The following DOCK1 variants were observed in gnomAD, a reference collection of about 807,000 sequenced individuals.
The protein encoded by DOCK1 is dedicator of cytokinesis 1.
A neutral mutation model predicts 262.7 loss-of-function variants in DOCK1; 138 were observed. The observed-to-expected ratio is 0.53, with a 90% CI of 0.46 to 0.61. DOCK1 has a LOEUF of 0.61. DOCK1 is among the 20% of genes least tolerant of loss of function. The pLI, the probability that DOCK1 is intolerant of heterozygous loss-of-function variation, is 0.00. For synonymous variants in DOCK1, 866 were observed against 867.4 expected (o/e 1.00, Z 0.03); for missense variants, 1,908 against 2,370.7 (o/e 0.80, Z 4.05).
intron 3 of DOCK1, among the ~76,000 whole-genome samples, chr10:126,980,137 G>T (rs1427447061): frequency 2.6e-5 from 4 of 152,098 alleles, no homozygotes; most frequent in Non-Finnish European, 4.4e-5. Flanking sequence ...GGATAACCAG[G>T]ACCTGAACAC....
At chr10:126,908,179 C>T (rs1290189533) in intron 1 of DOCK1, among the ~76,000 whole-genome samples, 1 of 152,156 alleles carries the variant, frequency 6.6e-6, no homozygotes, top group Non-Finnish European at 1.5e-5. Flanking sequence ...TCCCAGGCTC[C>T]CCACTTGTCT....
chr10:127,296,544 G>A (rs2061510954), intron 29 of DOCK1, among the ~76,000 whole-genome samples: 1 of 152,214 alleles, frequency 6.6e-6, no homozygotes, highest in Non-Finnish European at 1.5e-5. Flanking sequence ...AACCTTGCAA[G>A]ATGCCGTCGA....
chr10:127,190,664 T>TCCCCCCCCCCC lies in DOCK1; in HGVS notation c.2848-57344_2848-57343insCCCCCCCCCCC, dbSNP rs1491352928. The stretch of plus-strand genomic sequence containing the variant: ...TCAAATATTTAATAGAAATCCTATC[T>TCCCCCCCCCCC]TCCCCCCCCCCCCCCCCCCGTTCCT... On this transcript the variant is annotated intron_variant, in intron 27 of 51. Coordinates refer to ENST00000623213, the MANE Select transcript of DOCK1 (RefSeq NM_001290223.2). Among the ~76,000 whole-genome samples, 2 of 15,228 alleles carry TCCCCCCCCCCC rather than the reference T, an allele frequency of 1.3e-4. 1 individual carries two copies. The highest frequency in any genetic ancestry group is 2.3e-4 in the Non-Finnish European group (2 of 8,848). The allele number at this position is 15,228 out of a possible 152,430, so 10.0% of individuals were successfully genotyped here.
chr10:127,206,032 T>C (rs985502624), intron 27 of DOCK1, among the ~76,000 whole-genome samples: 1 of 152,182 alleles, frequency 6.6e-6, no homozygotes, highest in Non-Finnish European at 1.5e-5. Flanking sequence ...AGATAACCAC[T>C]GTTTATCATG....
At chr10:127,073,222 G>T (rs907162440) in intron 23 of DOCK1, among the ~76,000 whole-genome samples, 3 of 152,200 alleles carry the variant, frequency 2.0e-5, no homozygotes, top group African/African-American at 7.2e-5. Flanking sequence ...TAAGAATTCA[G>T]TTCTTCCCAA....
chr10:126,976,150 T>C (rs2038524220), intron 2 of DOCK1, among the ~76,000 whole-genome samples: 1 of 152,190 alleles, frequency 6.6e-6, no homozygotes, highest in South Asian at 2.1e-4. Flanking sequence ...CACTGTGTCA[T>C]AGATGGGCTT....
intron 27 of DOCK1, among the ~76,000 whole-genome samples, chr10:127,143,910 C>A (rs1252815438): frequency 6.6e-6 from 1 of 152,144 alleles, no homozygotes; most frequent in Non-Finnish European, 1.5e-5. Context: ...TGTCCAGAAC[C>A]AGATCTTTCC....
At position 127,270,999 on chromosome 10, in the gene DOCK1, A is replaced by C. The variant is rs11593888; in HGVS notation, c.3044+13570A>C. Among the ~76,000 whole-genome samples, 51 of 133,770 alleles carry C rather than the reference A, an allele frequency of 3.8e-4. No individual in the cohort carries two copies. In the East Asian group the frequency reaches 9.3e-3, roughly 24 times the overall value. 87.8% of individuals were successfully genotyped at this position (133,770 alleles called of 152,430 possible). Reference sequence around the variant, plus strand: ...CTTAACAAAAGTTATATATGTGTGTATGTGTGTGTGTGTGTGTATGTATAT... The same window carrying C: ...CTTAACAAAAGTTATATATGTGTGTCTGTGTGTGTGTGTGTGTATGTATAT... On this transcript the variant is annotated intron_variant, in intron 29 of 51. Coordinates refer to ENST00000623213, the MANE Select transcript of DOCK1 (RefSeq NM_001290223.2).
intron 27 of DOCK1, among the ~76,000 whole-genome samples, chr10:127,221,751 C>A (rs2058445105): frequency 6.6e-6 from 1 of 152,172 alleles, no homozygotes; most frequent in Non-Finnish European, 1.5e-5. Context: ...CTGGTGAGAA[C>A]CAAGTCAGAA....
intron 40 of DOCK1, 93 bp from the exon 41 acceptor site, chr10:127,408,944 C>T: frequency 7.0e-7 from 1 of 1,424,230 alleles, no homozygotes; most frequent in South Asian, 1.4e-5. Flanking sequence ...TTTGTAAGAA[C>T]CCGTAAGGCA....
intron 27 of DOCK1, among the ~76,000 whole-genome samples, chr10:127,234,137 C>G (rs918048719): frequency 1.3e-4 from 20 of 152,222 alleles, no homozygotes; most frequent in African/African-American, 4.6e-4. Context: ...AGAAAACAGG[C>G]GCTTGCTGTC....
At position 127,447,385 on chromosome 10, in the gene DOCK1, G is replaced by A; in HGVS notation, c.5414-9G>A. ...TCGGGCTGATTTTAAATAGATCCCG[G>A]TTTTCCAGGCTTGGAGCTGAACGGC... On this transcript the variant is annotated splice_polypyrimidine_tract_variant and intron_variant, in intron 50 of 51. Coordinates refer to ENST00000623213, the MANE Select transcript of DOCK1 (RefSeq NM_001290223.2). The A allele has an allele frequency of 6.2e-7, 1 of 1,610,132 alleles. No homozygotes were observed. The highest frequency in any genetic ancestry group is 1.3e-5 in the African/African-American group (1 of 75,002).
At chr10:127,447,746 C>T (rs1038370672) in intron 51 of DOCK1, among the ~76,000 whole-genome samples, 15 of 152,294 alleles carry the variant, frequency 9.8e-5, no homozygotes, top group Admixed American at 9.8e-4. Context: ...GGCTCTGCGT[C>T]ATTATCAATA....
chr10:126,977,938 G>T lies in DOCK1; in HGVS notation c.131-10G>T. On this transcript the variant is annotated splice_polypyrimidine_tract_variant and intron_variant, in intron 2 of 51. Transcript: ENST00000623213. ...TTTGTACTAACTGTTTCAACTTTGTGTTTGTTTAGGGTGGTACCGAGGTTA... is the reference window on the plus strand; with the variant it reads ...TTTGTACTAACTGTTTCAACTTTGTTTTTGTTTAGGGTGGTACCGAGGTTA... The T allele has an allele frequency of 3.1e-6, 5 of 1,613,914 alleles. No individual in the cohort carries two copies.
intron 27 of DOCK1, among the ~76,000 whole-genome samples, chr10:127,199,411 A>G (rs1437739968): frequency 1.3e-5 from 2 of 152,344 alleles, no homozygotes; most frequent in African/African-American, 2.4e-5. Flanking sequence ...TGTTCATAAC[A>G]GGTTTATCTA....
chr10:127,291,128 A>G (rs552006582), intron 29 of DOCK1, among the ~76,000 whole-genome samples: 59 of 152,280 alleles, frequency 3.9e-4, no homozygotes, highest in Non-Finnish European at 6.2e-4. Context: ...GATTGGGAAG[A>G]CATCCCTTGT....
intron 4 of DOCK1, among the ~76,000 whole-genome samples, chr10:126,984,535 G>A (rs796861376): frequency 1.4e-4 from 20 of 141,748 alleles, no homozygotes; most frequent in Non-Finnish European, 1.5e-5. Flanking sequence ...GTGTGTGTGT[G>A]TTTTTTTTTT....
intron 27 of DOCK1, among the ~76,000 whole-genome samples, chr10:127,187,272 G>A (rs1168645611): frequency 1.3e-5 from 2 of 152,174 alleles, no homozygotes; most frequent in Non-Finnish European, 2.9e-5. Context: ...TACTTTACAA[G>A]GCTTGTGGAA....
At chr10:127,211,982 A>C (rs2134339162) in intron 27 of DOCK1, among the ~76,000 whole-genome samples, 1 of 152,352 alleles carries the variant, frequency 6.6e-6, no homozygotes, top group Non-Finnish European at 1.5e-5. Flanking sequence ...ACCTGCAAAT[A>C]AAATTAAATT....
Sources: allele counts gnomAD v4.1 joint callset (sites outside exome capture counted in the v4.1 genomes callset), GRCh38; gene constraint gnomAD v4.1.1; transcripts MANE v1.5; gene names NCBI Gene and HGNC (gene_info 2026-07-23, HGNC 2026-07-21).